KDM4B: variants seen among roughly 807,000 people sequenced by gnomAD.
KDM4B encodes the protein lysine-specific demethylase 4B.
In KDM4B, 32 loss-of-function variants were observed where a neutral mutation model predicts 125.2. That is an observed-to-expected ratio of 0.26 (90% CI 0.19 to 0.34). The LOEUF is 0.34. Among genes scored for constraint, KDM4B ranks in the 10% least tolerant of loss-of-function variants. The pLI is 1.00. For missense variants in KDM4B, 1,190 were observed against 1,577.7 expected (o/e 0.75, Z 4.16); for synonymous variants, 721 against 677.9 (o/e 1.06, Z -0.99).
In KDM4B at chr19:5,043,803, G is replaced by A. The variant is rs371783811; in HGVS notation, c.432+2552G>A. Among the ~76,000 whole-genome samples the A allele has an allele frequency of 2.5e-3, 313 of 125,604 alleles. 10 individuals carry two copies. Among genetic ancestry groups the A allele is most frequent in the African/African-American group, 9.3e-3 (285 of 30,632 alleles). 82.4% of individuals were successfully genotyped at this position (125,604 alleles called of 152,430 possible). ...GAGTGGGGTGTCCACCTTATCCCGC[G>A]TGGTGTTTATCAGAGTGGGGTGTCC... On this transcript the variant is annotated intron_variant, in intron 5 of 22. Transcript: ENST00000159111.
chr19:5,072,409 T>C (rs1343219927), intron 7 of KDM4B, among the ~76,000 whole-genome samples: 1 of 152,124 alleles, frequency 6.6e-6, no homozygotes, highest in African/African-American at 2.4e-5. Flanking sequence ...GACTGAGGGC[T>C]TTGCTCTTGG....
At chr19:5,124,387 T>C (rs916111176) in intron 11 of KDM4B, among the ~76,000 whole-genome samples, 2 of 152,042 alleles carry the variant, frequency 1.3e-5, no homozygotes, top group African/African-American at 4.8e-5. Flanking sequence ...TGGGAAGGCT[T>C]TTACAGAGTG....
At position 4,998,145 on chromosome 19, in the gene KDM4B, C is replaced by T. The variant is rs550561923; in HGVS notation, c.-108-18112C>T. ...CCCGCTCTGTGTGGCTCCATCCCCT[C>T]GCCTGGGGGCAGTGGACGGACAGGT... On this transcript the variant is annotated intron_variant, in intron 1 of 22. Transcript: ENST00000159111. 6.6e-5 allele frequency among the ~76,000 whole-genome samples: 10 copies of T among 152,292 alleles called. No individual in the cohort carries two copies. The East Asian group carries it at 1.7e-3, about 27-fold the overall frequency.
In KDM4B at chr19:5,035,041, C is replaced by T. The variant is rs978335519; in HGVS notation, c.141+2010C>T. Among the ~76,000 whole-genome samples the T allele has an allele frequency of 6.6e-6, 1 of 152,168 alleles. No individual in the cohort carries two copies. Among genetic ancestry groups the T allele is most frequent in the African/African-American group, 2.4e-5 (1 of 41,436 alleles). On this transcript the variant is annotated intron_variant, in intron 3 of 22. Transcript: ENST00000159111. This position sits in a 1 kb window ranked among gnomAD's most constrained non-coding sequence, Gnocchi z 5.3. The stretch of plus-strand genomic sequence containing the variant: ...TGTGGGAATGATGGCACATCTGTGT[C>T]CGGGTCAGAACGGTGGGGGCTGCTG...
chr19:4,989,236 A>C (rs943563805), intron 1 of KDM4B, among the ~76,000 whole-genome samples: 5 of 152,154 alleles, frequency 3.3e-5, no homozygotes, highest in African/African-American at 1.2e-4. Context: ...TCTTTGCCTA[A>C]GGATGGTGGG....
At chr19:5,094,131 G>A (rs1458148042) in intron 9 of KDM4B, among the ~76,000 whole-genome samples, 2 of 152,158 alleles carry the variant, frequency 1.3e-5, no homozygotes, top group African/African-American at 2.4e-5. Flanking sequence ...CCATGGTCAC[G>A]CGGCCCCTCC....
At chr19:5,027,417 A>T (rs1470746899) in intron 2 of KDM4B, among the ~76,000 whole-genome samples, 46 of 151,844 alleles carry the variant, frequency 3.0e-4, no homozygotes. Flanking sequence ...ATGGCTGGGG[A>T]TGTCTCCTTG....
At chr19:5,040,296 C>A (rs972592708) in intron 4 of KDM4B, among the ~76,000 whole-genome samples, 16 of 152,180 alleles carry the variant, frequency 1.1e-4, no homozygotes, top group Non-Finnish European at 1.9e-4. Context: ...TCCACACCCT[C>A]CTGTGACACC....
intron 2 of KDM4B, among the ~76,000 whole-genome samples, chr19:5,019,140 AGGTGTT>A (rs1238473214): frequency 2.4e-5 from 3 of 124,342 alleles, no homozygotes; most frequent in Admixed American, 7.9e-5. Flanking sequence ...GTTGGTGTGC[AGGTGTT>A]GGTGTGGGTG....
chr19:4,998,911 G>A (rs988803338), intron 1 of KDM4B, among the ~76,000 whole-genome samples: 1 of 152,130 alleles, frequency 6.6e-6, no homozygotes, highest in Non-Finnish European at 1.5e-5. Flanking sequence ...TTCTTAGTGC[G>A]CCCTATCAGG....
chr19:5,005,817 G>A (rs908589967), intron 1 of KDM4B, among the ~76,000 whole-genome samples: 3 of 152,126 alleles, frequency 2.0e-5, no homozygotes, highest in African/African-American at 4.8e-5. Flanking sequence ...CAGCTGGGAG[G>A]GATGTGGGGT....
At chr19:5,138,954 ACT>A (rs1485452639) in intron 18 of KDM4B, among the ~76,000 whole-genome samples, 1 of 151,930 alleles carries the variant, frequency 6.6e-6, no homozygotes, top group Non-Finnish European at 1.5e-5. Context: ...AGGGTCTCTC[ACT>A]CTGTTACCCA....
Position 5,151,448 on chromosome 19 carries a change from G to C in KDM4B, c.3228G>C (p.Gln1076His), listed in dbSNP as rs1398246061. The change falls in exon 23 of 23, where the codon CAG (glutamine) becomes CAC (histidine). Residue 1076 changes from glutamine to histidine, a missense_variant. By Grantham distance (24) the Gln-to-His change is conservative. Around this residue, in one of 7 missense-constraint regions of KDM4B, gnomAD observed 109 missense variants for 93.8 expected, o/e 1.16. Coordinates refer to ENST00000159111, the MANE Select transcript of KDM4B (RefSeq NM_015015.3). ...PLATEDSGRS[Q>H]DYVAFVESLL... Reference sequence around the variant, plus strand: ...CCACGGAGGACTCCGGGCGGAGCCAGGACTACGTGGCCTTCGTGGAGAGCC... The same window carrying C: ...CCACGGAGGACTCCGGGCGGAGCCACGACTACGTGGCCTTCGTGGAGAGCC... 6.5e-7 allele frequency: 1 copy of C among 1,545,100 alleles called. No individual in the cohort carries two copies. The highest frequency in any genetic ancestry group is 8.7e-7 in the Non-Finnish European group (1 of 1,147,862).
intron 11 of KDM4B, among the ~76,000 whole-genome samples, chr19:5,125,727 G>T (rs2620846): frequency 1.3e-5 from 2 of 151,902 alleles, no homozygotes; most frequent in Admixed American, 6.5e-5. Context: ...TACGTTGGTG[G>T]CACGTCAGGG....
chr19:4,976,312 GAA>G (rs1332893176), intron 1 of KDM4B, among the ~76,000 whole-genome samples: 1 of 150,778 alleles, frequency 6.6e-6, no homozygotes, highest in African/African-American at 2.4e-5. Context: ...AGGAATGTGA[GAA>G]AATGCGATGC....
intron 1 of KDM4B, among the ~76,000 whole-genome samples, chr19:5,007,542 C>CTTTTTTTTT (rs10536135): frequency 2.0e-5 from 2 of 100,758 alleles, no homozygotes; most frequent in African/African-American, 4.0e-5. Flanking sequence ...TTCTCTCTCT[C>CTTTTTTTTT]TTTTTTTTTT....
rs910074766 is a variant in KDM4B, at chr19:5,151,188, A to G, written c.3115-147A>G. The G allele has an allele frequency of 2.9e-5, 20 of 683,670 alleles. No individual in the cohort carries two copies. The African/African-American group carries it at 3.7e-4, about 13-fold the overall frequency. 42.4% of individuals were successfully genotyped at this position (683,670 alleles called of 1,614,324 possible). On this transcript the variant is annotated intron_variant, in intron 22 of 22. Coordinates refer to ENST00000159111, the MANE Select transcript of KDM4B (RefSeq NM_015015.3). Reference sequence around the variant, plus strand: ...TCTGCTGGCAGGATCAGGGGTTTACAAACACGAAAACAGGAGCCTGCTGAG... The same window carrying G: ...TCTGCTGGCAGGATCAGGGGTTTACGAACACGAAAACAGGAGCCTGCTGAG...
chr19:5,047,047 G>T (rs374454598), intron 5 of KDM4B: 1 of 158,230 alleles, frequency 6.3e-6, no homozygotes, highest in African/African-American at 2.4e-5. Flanking sequence ...CAGCCCCAGC[G>T]CTTGGAGGGG....
At chr19:5,090,951 C>T (rs1334071617) in intron 9 of KDM4B, among the ~76,000 whole-genome samples, 2 of 152,076 alleles carry the variant, frequency 1.3e-5, no homozygotes. Context: ...GTCTCCAAGG[C>T]GGCGGCTTCC....
Sources: gnomAD v4.1 joint callset for allele counts (sites outside exome capture counted in the v4.1 genomes callset) on GRCh38, gnomAD v4.1.1 for gene constraint, gnomAD v4.1.1 regional missense constraint, Gnocchi (gnomAD v3.1) non-coding constraint, MANE v1.5 for transcripts, NCBI Gene and HGNC (gene_info 2026-07-23, HGNC 2026-07-21) for gene names.